The following KCNA3 variants were observed in gnomAD, a reference collection of about 807,000 sequenced individuals.
The protein encoded by KCNA3 is RP11-284N8.3.
KCNA3 carries 18 observed loss-of-function variants against 34.3 expected under a neutral mutation model. The ratio of observed to expected loss-of-function variants is 0.52; its 90% CI spans 0.36 to 0.78. The LOEUF is 0.78. Ranked by LOEUF, KCNA3 falls within the 30% of genes least tolerant of loss-of-function variation. The pLI is 0.00. For synonymous variants in KCNA3, 324 were observed against 351.7 expected, an observed-to-expected ratio of 0.92 and a Z score of 0.88; for missense variants, 587 against 802.5, an observed-to-expected ratio of 0.73 and a Z score of 3.24.
downstream of KCNA3, among the ~76,000 whole-genome samples, chr1:110,668,156 A>T (rs1316416733): frequency 6.6e-6 from 1 of 152,160 alleles, no homozygotes; most frequent in Non-Finnish European, 1.5e-5. Flanking sequence ...AACAAAACAC[A>T]AAGAAAAAGC....
In KCNA3 at chr1:110,674,719, C is replaced by G. The variant is rs757254732; in HGVS notation, c.91G>C (p.Gly31Arg). 40 of 1,453,658 alleles carry G rather than the reference C, an allele frequency of 2.8e-5. No individual in the cohort carries two copies. The African/African-American group carries it at 5.4e-4, about 20-fold the overall frequency. 90.0% of individuals were successfully genotyped at this position (1,453,658 alleles called of 1,614,324 possible). The change falls in exon 1 of 1, where the codon GGT becomes CGT. Residue 31 changes from glycine (G) to arginine (R), a missense_variant. Transcript: ENST00000369769. This position sits in a 1 kb window ranked among gnomAD's most constrained non-coding sequence, Gnocchi z 6.4. ...HPPQRPASSGGAHTLVNHGYA... is the reference protein window; with the variant it reads ...HPPQRPASSGRAHTLVNHGYA... The stretch of plus-strand genomic sequence containing the variant: ...CCGTGGTTCACCAGCGTGTGGGCAC[C>G]GCCGCTGCTCGCTGGGCGCTGAGGA...
chr1:110,674,689 C>G lies in KCNA3; in HGVS notation c.121G>C (p.Ala41Pro). ...GAHTLVNHGY[A>P]EPAAGRELPP... ...AGCTCGCGGCCTGCGGCGGGCTCCGCGTAGCCGTGGTTCACCAGCGTGTGG... is the reference window on the plus strand; with the variant it reads ...AGCTCGCGGCCTGCGGCGGGCTCCGGGTAGCCGTGGTTCACCAGCGTGTGG... The change falls in exon 1 of 1, where the codon GCG (alanine) becomes CCG (proline). Residue 41 changes from alanine to proline, a missense_variant. Coordinates refer to ENST00000369769, the MANE Select transcript of KCNA3 (RefSeq NM_002232.5). This position sits in a 1 kb window ranked among gnomAD's most constrained non-coding sequence, Gnocchi z 6.4. 1 of 1,499,740 alleles carries G rather than the reference C, an allele frequency of 6.7e-7. No homozygotes were observed. The highest frequency in any genetic ancestry group is 8.8e-7 in the Non-Finnish European group (1 of 1,135,234). 92.9% of individuals were successfully genotyped at this position (1,499,740 alleles called of 1,614,324 possible). A position where few individuals can be genotyped will look rare whatever the true frequency, so the allele number is the denominator to read the frequency against.
chr1:110,655,292 A>G, the KCNA3 span: 1 of 152,224 alleles, frequency 6.6e-6, no homozygotes, highest in Admixed American at 6.5e-5. Flanking sequence ...TTATAGTCAT[A>G]CAATTTTATG....
the KCNA3 span, among the ~76,000 whole-genome samples, chr1:110,659,763 G>T: frequency 1.3e-5 from 2 of 152,258 alleles, no homozygotes; most frequent in South Asian, 2.1e-4. Flanking sequence ...CCATAAAAAA[G>T]GATGAGTTCA....
chr1:110,671,643 CTG>C (rs1651893915), downstream of KCNA3, among the ~76,000 whole-genome samples: 1 of 152,110 alleles, frequency 6.6e-6, no homozygotes, highest in South Asian at 2.1e-4. Flanking sequence ...TTGTCAAGTG[CTG>C]TGATGATGAC....
the KCNA3 span, among the ~76,000 whole-genome samples, chr1:110,662,807 T>TA: frequency 9.8e-5 from 15 of 152,312 alleles, no homozygotes; most frequent in Admixed American, 3.3e-4. Flanking sequence ...CTACTAATAA[T>TA]AAATATCTTC....
chr1:110,654,993 C>T, the KCNA3 span: 7 of 152,150 alleles, frequency 4.6e-5, no homozygotes, highest in South Asian at 2.1e-4. Context: ...TTATAGTAAA[C>T]TAACGCTAGA....
Position 110,674,877 on chromosome 1 carries a change from C to T in KCNA3, c.-68G>A. 1 of 1,272,728 alleles carries T rather than the reference C, an allele frequency of 7.9e-7. No homozygotes were observed. Among genetic ancestry groups the T allele is most frequent in the Non-Finnish European group, 9.9e-7 (1 of 1,012,426 alleles). 78.8% of individuals were successfully genotyped at this position (1,272,728 alleles called of 1,614,324 possible). On this transcript the variant is annotated 5_prime_UTR_variant, in exon 1 of 1. Transcript: ENST00000369769. The surrounding 1 kb of genome is among the most constrained non-coding windows in gnomAD (Gnocchi z 6.4). ...CCTCGCGCTCCCCGCCCTTTCGCCG[C>T]CTCCGCCCCCGAGCCGAGCCCACCG...
At chr1:110,666,084 C>T in the KCNA3 span, among the ~76,000 whole-genome samples, 1 of 152,090 alleles carries the variant, frequency 6.6e-6, no homozygotes, top group African/African-American at 2.4e-5. Context: ...GTCAAGATAA[C>T]ATACTATATT....
rs1262226305 is a variant in KCNA3 at position 110,674,036 on chromosome 1, C to T, written c.774G>A (p.Glu258=). 1 of 1,608,444 alleles carries T rather than the reference C, an allele frequency of 6.2e-7. No individual in the cohort carries two copies. The highest frequency in any genetic ancestry group is 2.2e-5 in the East Asian group (1 of 44,740). The change falls in exon 1 of 1, where the codon GAG becomes GAA. Residue 258 remains glutamate, a synonymous_variant. Transcript: ENST00000369769. This position sits in a 1 kb window ranked among gnomAD's most constrained non-coding sequence, Gnocchi z 6.4. ...IVIFCLETLP[E]FRDEKDYPAS... Reference sequence around the variant, plus strand: ...CGGGGTAGTCCTTCTCGTCGCGGAACTCCGGCAGCGTCTCCAGGCAGAAGA... The same window carrying T: ...CGGGGTAGTCCTTCTCGTCGCGGAATTCCGGCAGCGTCTCCAGGCAGAAGA...
At position 110,674,497 on chromosome 1, in the gene KCNA3, G is replaced by C. The variant is rs1373795720; in HGVS notation, c.313C>G (p.Arg105Gly). Reference protein sequence around the residue: ...AAGEQDCCGERVVINISGLRF... With the variant: ...AAGEQDCCGEGVVINISGLRF... ...AGCCCGGAGATGTTGATGACCACGCGCTCCCCGCAGCAGTCCTGCTCGCCC... is the reference window on the plus strand; with the variant it reads ...AGCCCGGAGATGTTGATGACCACGCCCTCCCCGCAGCAGTCCTGCTCGCCC... The change falls in exon 1 of 1, where the codon CGC becomes GGC. Residue 105 changes from arginine (R) to glycine (G), a missense_variant. Transcript: ENST00000369769. The surrounding 1 kb of genome is among the most constrained non-coding windows in gnomAD (Gnocchi z 6.4). 6.2e-7 allele frequency: 1 copy of C among 1,613,528 alleles called. No homozygotes were observed. The highest frequency in any genetic ancestry group is 8.5e-7 in the Non-Finnish European group (1 of 1,179,862).
the KCNA3 span, chr1:110,654,221 A>G: frequency 6.6e-6 from 1 of 152,198 alleles, no homozygotes; most frequent in Non-Finnish European, 1.5e-5. Context: ...GAATGATGAT[A>G]AATGTTAGTA....
the KCNA3 span, among the ~76,000 whole-genome samples, chr1:110,658,416 T>C: frequency 6.6e-6 from 1 of 152,164 alleles, no homozygotes; most frequent in South Asian, 2.1e-4. Context: ...AACTAAAATA[T>C]GGAAATAAAA....
the KCNA3 span, among the ~76,000 whole-genome samples, chr1:110,665,194 C>G: frequency 6.6e-6 from 1 of 152,170 alleles, no homozygotes; most frequent in Non-Finnish European, 1.5e-5. Flanking sequence ...TAAAGAATCA[C>G]TCTGGTTATG....
the KCNA3 span, chr1:110,655,463 T>C: frequency 5.3e-5 from 8 of 152,126 alleles, no homozygotes; most frequent in Non-Finnish European, 8.8e-5. Flanking sequence ...TGTTGTAAGA[T>C]ACAGTATTAA....
chr1:110,655,517 A>T, the KCNA3 span: 3 of 152,094 alleles, frequency 2.0e-5, no homozygotes, highest in Non-Finnish European at 4.4e-5. Context: ...CATCAGATTT[A>T]AAAAAATGGA....
At chr1:110,663,439 C>T in the KCNA3 span, among the ~76,000 whole-genome samples, 5 of 152,252 alleles carry the variant, frequency 3.3e-5, no homozygotes, top group Middle Eastern at 3.4e-3. Context: ...TTTGTTGACA[C>T]ATTTGGTAAG....
Position 110,674,778 on chromosome 1 carries a change from G to C in KCNA3, c.32C>G (p.Pro11Arg). The change falls in exon 1 of 1, where the codon CCG becomes CGG. Residue 11 changes from proline to arginine, a missense_variant. Pro to Arg is a moderately radical substitution (Grantham distance 103). Around this residue, in one of 7 missense-constraint regions of KCNA3, gnomAD observed 341 missense variants for 355.4 expected, o/e 0.96. Transcript: ENST00000369769. This position sits in a 1 kb window ranked among gnomAD's most constrained non-coding sequence, Gnocchi z 6.4. The part of the protein sequence containing the change: MDERLSLLRS[P>R]PPPSARHRAH... ...GCGGTGGCGGGCTGAGGGCGGCGGC[G>C]GCGAGCGCAGAAGGCTGAGGCGCTC... 7.5e-7 allele frequency: 1 copy of C among 1,341,070 alleles called. No individual in the cohort carries two copies. Among genetic ancestry groups the C allele is most frequent in the Non-Finnish European group, 9.5e-7 (1 of 1,054,292 alleles). The allele number at this position is 1,341,070 out of a possible 1,614,324, so 83.1% of individuals were successfully genotyped here. A position where few individuals can be genotyped will look rare whatever the true frequency, so the allele number is the denominator to read the frequency against.
the KCNA3 span, among the ~76,000 whole-genome samples, chr1:110,667,383 AG>A: frequency 6.6e-6 from 1 of 152,158 alleles, no homozygotes; most frequent in East Asian, 1.9e-4. Context: ...TAAGAGAAAA[AG>A]CTTCTCCCCA....
Sources: allele counts gnomAD v4.1 joint callset (sites outside exome capture counted in the v4.1 genomes callset), GRCh38; gene constraint gnomAD v4.1.1; regional missense constraint gnomAD v4.1.1; non-coding constraint Gnocchi (gnomAD v3.1); transcripts MANE v1.5; gene names NCBI Gene and HGNC (gene_info 2026-07-23, HGNC 2026-07-21).